TP53BP1: variants seen among roughly 807,000 people sequenced by gnomAD.
The protein encoded by TP53BP1 is TP53-binding protein 1.
TP53BP1 carries 61 observed loss-of-function variants against 200.8 expected under a neutral mutation model. That is an observed-to-expected ratio of 0.30 (90% confidence interval 0.25 to 0.38). The LOEUF (loss-of-function observed/expected upper bound fraction) is 0.38, where lower values mean the gene tolerates loss of function less well. TP53BP1 is among the 10% of genes least tolerant of loss of function. TP53BP1 has a pLI of 1.00. For synonymous variants in TP53BP1, 822 were observed against 844.3 expected (o/e 0.97, Z 0.46); for missense variants, 2,144 against 2,371.9 (o/e 0.90, Z 2.00).
intron 18 of TP53BP1, among the ~76,000 whole-genome samples, chr15:43,423,487 G>A (rs974559036): frequency 1.1e-4 from 12 of 112,720 alleles, no homozygotes; most frequent in South Asian, 2.7e-4. Context: ...GTGAAACCCC[G>A]TCTCTACTAA....
chr15:43,461,673 A>ATT (rs113520136), intron 11 of TP53BP1, among the ~76,000 whole-genome samples: 1 of 145,448 alleles, frequency 6.9e-6, no homozygotes. Flanking sequence ...TATACATTAT[A>ATT]TTTTTTTTTT....
At chr15:43,471,704 A>G (rs2046729892) in intron 10 of TP53BP1, among the ~76,000 whole-genome samples, 1 of 152,244 alleles carries the variant, frequency 6.6e-6, no homozygotes, top group African/African-American at 2.4e-5. Context: ...TTGGGATTAC[A>G]GGTGTGAGAC....
Position 43,432,234 on chromosome 15 carries a change from A to G in TP53BP1, c.3635T>C (p.Val1212Ala). The change falls in exon 17 of 28, where the codon GTC (valine) becomes GCC (alanine). Residue 1212 changes from valine (V) to alanine (A), a missense_variant. Physicochemically the swap from Val to Ala is moderately conservative, Grantham distance 64 (BLOSUM62 0). Transcript: ENST00000382044. ...CTCTGTATCATCCCCAGGAGCACTG[A>G]CTGGTTTCTCACCACTCCCCCTCTC... ...QTERGSGEKP[V>A]SAPGDDTESL... 1 of 1,614,120 alleles carries G rather than the reference A, an allele frequency of 6.2e-7. No homozygotes were observed. Among genetic ancestry groups the G allele is most frequent in the South Asian group, 1.1e-5 (1 of 91,082 alleles).
chr15:43,436,268 G>A (rs940012443), intron 16 of TP53BP1, among the ~76,000 whole-genome samples: 1 of 152,024 alleles, frequency 6.6e-6, no homozygotes, highest in African/African-American at 2.4e-5. Context: ...CACCGCGCCT[G>A]GCTAAATCAT....
At chr15:43,452,451 G>C (rs900412158) in intron 12 of TP53BP1, among the ~76,000 whole-genome samples, 1 of 151,606 alleles carries the variant, frequency 6.6e-6, no homozygotes, top group Non-Finnish European at 1.5e-5. Context: ...CCGGCTTCTC[G>C]GGGCGGGGGG....
At chr15:43,461,869 C>T (rs1379964482) in intron 11 of TP53BP1, among the ~76,000 whole-genome samples, 2 of 151,398 alleles carry the variant, frequency 1.3e-5, no homozygotes, top group African/African-American at 2.4e-5. Context: ...GGGGTTTCAC[C>T]GTGTTGGCCA....
chr15:43,510,341 C>A, intron 1 of TP53BP1: 1 of 152,622 alleles, frequency 6.6e-6, no homozygotes, highest in Non-Finnish European at 1.5e-5. Flanking sequence ...ACTAGCCAGC[C>A]AACTGCTATC....
intron 4 of TP53BP1, among the ~76,000 whole-genome samples, chr15:43,485,612 A>C (rs1295061754): frequency 7.3e-6 from 1 of 137,548 alleles, no homozygotes. Flanking sequence ...GGAGGCCGAG[A>C]TGGGCAGATC....
intron 27 of TP53BP1, 48 bp from the exon 28 acceptor site, chr15:43,407,618 C>T (rs769324913): frequency 1.6e-5 from 24 of 1,542,692 alleles, no homozygotes; most frequent in Non-Finnish European, 2.1e-5. Context: ...CTCAACTTAG[C>T]CCTCCATTAG....
chr15:43,416,651 G>C (rs1051518899), intron 21 of TP53BP1: 1 of 360,202 alleles, frequency 2.8e-6, no homozygotes, highest in African/African-American at 2.1e-5. Context: ...GTAGCCTTTA[G>C]TTATAAAATA....
chr15:43,426,590 C>A (rs1233140654), intron 18 of TP53BP1, among the ~76,000 whole-genome samples: 3 of 151,856 alleles, frequency 2.0e-5, no homozygotes, highest in African/African-American at 7.3e-5. Flanking sequence ...CCACAATAGC[C>A]CACTGAAAAA....
chr15:43,433,710 C>A (rs2045724277), intron 16 of TP53BP1, among the ~76,000 whole-genome samples: 1 of 152,122 alleles, frequency 6.6e-6, no homozygotes, highest in Non-Finnish European at 1.5e-5. Context: ...CATGCTAAGA[C>A]CACATCTGGA....
chr15:43,454,610 G>A (rs1331963336), intron 12 of TP53BP1, among the ~76,000 whole-genome samples: 2 of 152,120 alleles, frequency 1.3e-5, no homozygotes, highest in Admixed American at 1.3e-4. Flanking sequence ...CGATCTGCTG[G>A]CCTCAGCCTC....
At chr15:43,498,294 G>C (rs1477501121) in intron 1 of TP53BP1, among the ~76,000 whole-genome samples, 1 of 152,148 alleles carries the variant, frequency 6.6e-6, no homozygotes, top group Non-Finnish European at 1.5e-5. Context: ...AAAGAGAAAA[G>C]TGGTAAATTT....
upstream of TP53BP1, among the ~76,000 whole-genome samples, chr15:43,496,562 A>T (rs1177408986): frequency 6.6e-6 from 1 of 151,962 alleles, no homozygotes; most frequent in African/African-American, 2.4e-5. Flanking sequence ...GTGGCAGAGT[A>T]CTCTACTGAG....
intron 13 of TP53BP1, 125 bp downstream of exon 13, chr15:43,447,241 T>C: frequency 1.0e-6 from 1 of 998,430 alleles, no homozygotes; most frequent in Non-Finnish European, 1.5e-6. Context: ...CATAACCCTA[T>C]TTTCCCTAAA....
intron 11 of TP53BP1, among the ~76,000 whole-genome samples, chr15:43,465,799 T>TTTGTTG (rs142110979): frequency 2.0e-5 from 3 of 150,676 alleles, no homozygotes; most frequent in African/African-American, 7.3e-5. Context: ...TGTTTTGTTT[T>TTTGTTG]TTGTTGTTGT....
intron 14 of TP53BP1, among the ~76,000 whole-genome samples, chr15:43,445,876 A>G (rs1428879547): frequency 1.3e-5 from 2 of 152,322 alleles, no homozygotes; most frequent in Non-Finnish European, 1.5e-5. Flanking sequence ...ATCATGCACA[A>G]AAGCACAAGG....
chr15:43,427,957 C>CAA (rs35437737), intron 18 of TP53BP1, 59 bp downstream of exon 18: 11,430 of 995,510 alleles, frequency 0.011, 1 homozygote, highest in South Asian at 0.015. Context: ...ACCCTGTCTC[C>CAA]AAAAAAAAAA....
Sources: allele counts gnomAD v4.1 joint callset (sites outside exome capture counted in the v4.1 genomes callset), GRCh38; gene constraint gnomAD v4.1.1; transcripts MANE v1.5; gene names NCBI Gene and HGNC (gene_info 2026-07-23, HGNC 2026-07-21).